CAMTA1: variants seen among roughly 807,000 people sequenced by gnomAD.
CAMTA1 encodes the protein calmodulin binding transcription activator 1, also known as calmodulin-binding transcription activator 1.
A neutral mutation model predicts 170.9 loss-of-function variants in CAMTA1; 27 were observed. The ratio of observed to expected loss-of-function variants is 0.16; its 90% CI spans 0.12 to 0.22. The LOEUF (loss-of-function observed/expected upper bound fraction) is 0.22. CAMTA1 is among the 10% of genes least tolerant of loss of function. CAMTA1 has a pLI of 1.00. For missense variants in CAMTA1, 1,619 were observed against 2,217.2 expected, an observed-to-expected ratio of 0.73 and a Z score of 5.42; for synonymous variants, 833 against 891.5, an observed-to-expected ratio of 0.93 and a Z score of 1.17.
At chr1:7,311,196 T>C (rs1676677773) in intron 5 of CAMTA1, among the ~76,000 whole-genome samples, 1 of 152,258 alleles carries the variant, frequency 6.6e-6, no homozygotes, top group Non-Finnish European at 1.5e-5. Context: ...CTCAAATATT[T>C]TATCTGTATC....
chr1:7,370,935 G>A (rs1456199456), intron 5 of CAMTA1, among the ~76,000 whole-genome samples: 8 of 3,358 alleles, frequency 2.4e-3, no homozygotes, highest in Admixed American at 5.3e-3. Flanking sequence ...TTTTTGAGAC[G>A]GAGTCTCACT....
At chr1:7,071,251 A>G (rs142236642) in intron 3 of CAMTA1, among the ~76,000 whole-genome samples, 363 of 152,300 alleles carry the variant, frequency 2.4e-3, no homozygotes, top group African/African-American at 8.2e-3. Flanking sequence ...CTTGAGCTAG[A>G]ACAACTGACA....
chr1:7,653,461 C>T (rs2095860275), intron 7 of CAMTA1, among the ~76,000 whole-genome samples: 1 of 152,106 alleles, frequency 6.6e-6, no homozygotes, highest in Admixed American at 6.6e-5. Context: ...CTGGGTCTCG[C>T]CATTTTGCCA....
intron 11 of CAMTA1, among the ~76,000 whole-genome samples, chr1:7,709,325 A>G (rs1396012074): frequency 6.6e-6 from 1 of 152,170 alleles, no homozygotes; most frequent in East Asian, 1.9e-4. Flanking sequence ...GCGTGATGCT[A>G]CTCATTAGAT....
At chr1:7,200,707 CAGG>C (rs1483789446) in intron 4 of CAMTA1, among the ~76,000 whole-genome samples, 1 of 152,150 alleles carries the variant, frequency 6.6e-6, no homozygotes, top group African/African-American at 2.4e-5. Flanking sequence ...TACCTCATAT[CAGG>C]AGATTTGCGC....
At chr1:7,655,007 T>TACACAA (rs2095876452) in intron 7 of CAMTA1, among the ~76,000 whole-genome samples, 1 of 88,366 alleles carries the variant, frequency 1.1e-5, no homozygotes. Context: ...CACACACCTA[T>TACACAA]ACACACACCC....
At chr1:7,059,668 G>A (rs1156350806) in intron 3 of CAMTA1, among the ~76,000 whole-genome samples, 3 of 152,064 alleles carry the variant, frequency 2.0e-5, no homozygotes, top group Admixed American at 6.6e-5. Context: ...GATCACCGTC[G>A]TGGTACCCTT....
At chr1:7,073,713 G>C (rs1572856446) in intron 3 of CAMTA1, among the ~76,000 whole-genome samples, 1 of 152,214 alleles carries the variant, frequency 6.6e-6, no homozygotes, top group South Asian at 2.1e-4. Context: ...TGGCAATGTG[G>C]AAATCATTGA....
intron 3 of CAMTA1, among the ~76,000 whole-genome samples, chr1:6,997,546 G>A (rs1200019880): frequency 6.6e-6 from 1 of 151,666 alleles, no homozygotes; most frequent in Non-Finnish European, 1.5e-5. Flanking sequence ...GGAAATTCTT[G>A]GTTATTAGTT....
chr1:7,715,168 G>A (rs1468134678), intron 11 of CAMTA1, among the ~76,000 whole-genome samples: 1 of 152,152 alleles, frequency 6.6e-6, no homozygotes, highest in Non-Finnish European at 1.5e-5. Context: ...AAATAAAGAG[G>A]CCCGGGGGAA....
Position 7,732,589 on chromosome 1 carries a change from G to A in CAMTA1, c.3056G>A (p.Ser1019Asn), listed in dbSNP as rs768723516. 3 of 1,607,056 alleles carry A rather than the reference G, an allele frequency of 1.9e-6. No homozygotes were observed. Among genetic ancestry groups the A allele is most frequent in the Non-Finnish European group, 2.5e-6 (3 of 1,177,126 alleles). The change falls in exon 12 of 23, where the codon AGC (serine) becomes AAC (asparagine). Residue 1019 changes from serine to asparagine, a missense_variant. Ser to Asn is a conservative substitution (Grantham distance 46, BLOSUM62 1). Around this residue, in one of 8 missense-constraint regions of CAMTA1, gnomAD observed 143 missense variants for 184.2 expected, o/e 0.78. Transcript: ENST00000303635. The surrounding 1 kb of genome is among the most constrained non-coding windows in gnomAD (Gnocchi z 4.1). ...GGCAGCGGGAGCGGGAATGGAGGGA[G>A]CCAGGCACAGGTACGAGGCGGTGCT... The part of the protein sequence containing the change: ...GGGSGSGNGG[S>N]QAQCASGTGA...
chr1:7,384,127 A>G (rs2087667592), intron 5 of CAMTA1, among the ~76,000 whole-genome samples: 1 of 152,248 alleles, frequency 6.6e-6, no homozygotes, highest in African/African-American at 2.4e-5. Context: ...CTTCTCTTGC[A>G]GGAAATACCA....
At chr1:7,477,269 G>A (rs2093435901) in intron 6 of CAMTA1, among the ~76,000 whole-genome samples, 1 of 151,970 alleles carries the variant, frequency 6.6e-6, no homozygotes, top group Admixed American at 6.6e-5. Flanking sequence ...GGGGAGGGGC[G>A]GGTTTTGGAA....
At chr1:7,148,299 C>G (rs1646357997) in intron 4 of CAMTA1, among the ~76,000 whole-genome samples, 1 of 151,740 alleles carries the variant, frequency 6.6e-6, no homozygotes, top group Non-Finnish European at 1.5e-5. Context: ...CATACACATA[C>G]TACACAGTGA....
At chr1:6,998,140 C>T (rs769437612) in intron 3 of CAMTA1, among the ~76,000 whole-genome samples, 3 of 152,032 alleles carry the variant, frequency 2.0e-5, no homozygotes, top group Non-Finnish European at 2.9e-5. Context: ...CGCAGTGGCA[C>T]GGTCTTGGTT....
intron 3 of CAMTA1, among the ~76,000 whole-genome samples, chr1:6,888,849 A>G (rs1395499186): frequency 6.6e-6 from 1 of 152,040 alleles, no homozygotes; most frequent in Non-Finnish European, 1.5e-5. Context: ...AGCAAAGAAC[A>G]GAAACAAAAC....
intron 3 of CAMTA1, among the ~76,000 whole-genome samples, chr1:6,901,477 A>T (rs2149208204): frequency 6.6e-6 from 1 of 152,334 alleles, no homozygotes; most frequent in African/African-American, 2.4e-5. Context: ...TGTAAAACAT[A>T]CGTCTAATAA....
At chr1:7,159,420 A>C (rs1203596513) in intron 4 of CAMTA1, among the ~76,000 whole-genome samples, 1 of 152,082 alleles carries the variant, frequency 6.6e-6, no homozygotes, top group Admixed American at 6.6e-5. Flanking sequence ...AACAGAAGAC[A>C]GGAAATCAGA....
chr1:6,906,353 G>C (rs1678475433), intron 3 of CAMTA1, among the ~76,000 whole-genome samples: 1 of 152,158 alleles, frequency 6.6e-6, no homozygotes, highest in Non-Finnish European at 1.5e-5. Flanking sequence ...ACTGATGCTA[G>C]CTACTTAGAG....
Sources: gnomAD v4.1 joint callset for allele counts (sites outside exome capture counted in the v4.1 genomes callset) on GRCh38, gnomAD v4.1.1 for gene constraint, gnomAD v4.1.1 regional missense constraint, Gnocchi (gnomAD v3.1) non-coding constraint, MANE v1.5 for transcripts, NCBI Gene and HGNC (gene_info 2026-07-23, HGNC 2026-07-21) for gene names.